TCF4: variants seen among roughly 807,000 people sequenced by gnomAD.
TCF4 encodes SL3-3 enhancer factor 2.
TCF4 carries 3 observed loss-of-function variants against 82.1 expected under a neutral mutation model. The ratio of observed to expected loss-of-function variants is 0.04; its 90% CI spans 0.02 to 0.09. The LOEUF (loss-of-function observed/expected upper bound fraction) is 0.09. TCF4 is among the 10% of genes least tolerant of loss of function. The pLI is 1.00. For synonymous variants in TCF4, 276 were observed against 309.6 expected, an observed-to-expected ratio of 0.89 and a Z score of 1.14; for missense variants, 518 against 852.7, an observed-to-expected ratio of 0.61 and a Z score of 4.89.
intron 17 of TCF4, chr18:55,232,256 A>G: frequency 2.1e-6 from 1 of 465,746 alleles, no homozygotes; most frequent in Non-Finnish European, 3.9e-6. Context: ...CTGTACTTGA[A>G]TCAGAGACAA....
intron 3 of TCF4, among the ~76,000 whole-genome samples, chr18:55,492,661 G>A (rs1176621343): frequency 6.6e-6 from 1 of 152,172 alleles, no homozygotes; most frequent in Non-Finnish European, 1.5e-5. Context: ...CAAGTCTCCT[G>A]ACTTCTTATC....
intron 3 of TCF4, among the ~76,000 whole-genome samples, chr18:55,552,504 T>G (rs1193116379): frequency 6.6e-6 from 1 of 152,200 alleles, no homozygotes; most frequent in Non-Finnish European, 1.5e-5. Flanking sequence ...GTGATTTCAT[T>G]CATGCTTAAG....
chr18:55,572,065 T>C (rs1311231109), intron 3 of TCF4, among the ~76,000 whole-genome samples: 3 of 152,132 alleles, frequency 2.0e-5, no homozygotes, highest in Admixed American at 6.5e-5. Flanking sequence ...ATGCTACCAA[T>C]TCACCTGCAG....
intron 15 of TCF4, among the ~76,000 whole-genome samples, chr18:55,246,232 C>T (rs967697898): frequency 6.8e-6 from 1 of 147,656 alleles, no homozygotes; most frequent in Non-Finnish European, 1.5e-5. Context: ...TTTAAATACA[C>T]GTGTGTGTGT....
In TCF4 at chr18:55,464,189, T is replaced by C. The variant is rs1486129450; in HGVS notation, c.146-52A>G. ...GCTTTCTTGCAGTAATTTTTTCTTT[T>C]TGTATATGCACTTTCAAATTAATGT... On this transcript the variant is annotated intron_variant, in intron 3 of 19. Transcript: ENST00000354452. 2.7e-6 allele frequency: 4 copies of C among 1,478,506 alleles called. No individual in the cohort carries two copies. In the African/African-American group the frequency reaches 4.2e-5, roughly 15 times the overall value. The allele number at this position is 1,478,506 out of a possible 1,614,324, so 91.6% of individuals were successfully genotyped here.
chr18:55,535,722 T>C (rs1410058376), intron 3 of TCF4, among the ~76,000 whole-genome samples: 1 of 152,186 alleles, frequency 6.6e-6, no homozygotes, highest in Non-Finnish European at 1.5e-5. Flanking sequence ...GGAAAAGAGA[T>C]AAAGATACAA....
At chr18:55,248,029 A>G (rs920226894) in intron 15 of TCF4, among the ~76,000 whole-genome samples, 5 of 152,240 alleles carry the variant, frequency 3.3e-5, no homozygotes, top group Admixed American at 6.5e-5. Flanking sequence ...AGATTTCAGT[A>G]GAGATAATCT....
intron 15 of TCF4, 133 bp from the exon 16 acceptor site, chr18:55,234,816 C>G: frequency 7.8e-7 from 1 of 1,285,156 alleles, no homozygotes; most frequent in Non-Finnish European, 1.1e-6. Flanking sequence ...CTAGAGGGCG[C>G]TGAAGGACCG....
chr18:55,434,690 G>A (rs1036861926), intron 5 of TCF4, among the ~76,000 whole-genome samples: 1 of 151,382 alleles, frequency 6.6e-6, no homozygotes, highest in Non-Finnish European at 1.5e-5. Context: ...GCCTCCCAAA[G>A]TGCTGGGATT....
intron 8 of TCF4, among the ~76,000 whole-genome samples, chr18:55,294,035 G>A (rs1452242824): frequency 1.4e-5 from 2 of 147,000 alleles, no homozygotes; most frequent in African/African-American, 2.5e-5. Flanking sequence ...CGAGGTGGGC[G>A]GATCACTTGA....
intron 6 of TCF4, among the ~76,000 whole-genome samples, chr18:55,384,468 G>C (rs1424755744): frequency 1.3e-5 from 2 of 152,136 alleles, no homozygotes; most frequent in African/African-American, 4.8e-5. Context: ...GAAGGCTCAG[G>C]TCAATGCAAT....
chr18:55,624,376 C>T (rs1378485950), intron 2 of TCF4, among the ~76,000 whole-genome samples: 1 of 152,046 alleles, frequency 6.6e-6, no homozygotes, highest in Non-Finnish European at 1.5e-5. Context: ...TCTCACTGGG[C>T]ATCTCCCTAA....
At chr18:55,422,517 C>A in intron 5 of TCF4, 2 of 935,198 alleles carry the variant, frequency 2.1e-6, no homozygotes, top group Non-Finnish European at 2.5e-6. Flanking sequence ...GAATCTAGTT[C>A]TTAGGCTAAC....
At chr18:55,295,318 T>C (rs565086649) in intron 8 of TCF4, among the ~76,000 whole-genome samples, 1 of 152,210 alleles carries the variant, frequency 6.6e-6, no homozygotes, top group African/African-American at 2.4e-5. Flanking sequence ...GATAAGATAA[T>C]TGATGCTCAT....
chr18:55,269,661 G>C (rs2059936354), intron 11 of TCF4, 170 bp downstream of exon 11: 2 of 897,798 alleles, frequency 2.2e-6, no homozygotes, highest in African/African-American at 3.3e-5. Flanking sequence ...ATATGGTTAT[G>C]CTCAAGCCAG....
At chr18:55,498,439 A>G (rs1302013531) in intron 3 of TCF4, among the ~76,000 whole-genome samples, 1 of 152,184 alleles carries the variant, frequency 6.6e-6, no homozygotes, top group East Asian at 1.9e-4. Context: ...TGTCATGACC[A>G]TGGTCAGCTG....
At chr18:55,363,022 A>G (rs2085884196) in intron 6 of TCF4, among the ~76,000 whole-genome samples, 1 of 152,236 alleles carries the variant, frequency 6.6e-6, no homozygotes, top group South Asian at 2.1e-4. Context: ...ATGACTCAAA[A>G]TTAAAGGAGA....
intron 3 of TCF4, among the ~76,000 whole-genome samples, chr18:55,547,751 C>T (rs1038071345): frequency 2.6e-5 from 4 of 152,138 alleles, no homozygotes; most frequent in African/African-American, 7.2e-5. Context: ...TGACTGACAA[C>T]GCTGTAAAAT....
rs2097735561 is a variant in TCF4, at chr18:55,635,578, G to C, written c.195+125C>G. The C allele has an allele frequency of 2.5e-6, 3 of 1,221,360 alleles. No individual in the cohort carries two copies. The South Asian group carries it at 5.3e-5, about 22-fold the overall frequency. The allele number at this position is 1,221,360 out of a possible 1,614,324, so 75.7% of individuals were successfully genotyped here. A position where few individuals can be genotyped will look rare whatever the true frequency, so the allele number is the denominator to read the frequency against. On this transcript the variant is annotated intron_variant, in intron 1 of 20. Coordinates refer to the TCF4 transcript ENST00000398339. The stretch of plus-strand genomic sequence containing the variant: ...AAGAGGGCAGGCCAAGTGCTGTGGA[G>C]ATGTCAGGGAGAGAGGTTAGAGAGC...
Sources: allele counts gnomAD v4.1 joint callset (sites outside exome capture counted in the v4.1 genomes callset), GRCh38; gene constraint gnomAD v4.1.1; transcripts MANE v1.5; gene names NCBI Gene and HGNC (gene_info 2026-07-23, HGNC 2026-07-21).